The following SHISA9 variants were observed in gnomAD, a reference collection of about 807,000 sequenced individuals.
SHISA9 encodes the protein protein shisa-9.
In SHISA9, 13 loss-of-function variants were observed where a neutral mutation model predicts 38.0. The ratio of observed to expected loss-of-function variants is 0.34; its 90% CI spans 0.22 to 0.54. SHISA9 has a LOEUF of 0.54. Among genes scored for constraint, SHISA9 ranks in the 20% least tolerant of loss-of-function variants. The pLI, the probability that SHISA9 is intolerant of heterozygous loss-of-function variation, is 0.91. For missense variants in SHISA9, 538 were observed against 575.8 expected (o/e 0.93, Z 0.67); for synonymous variants, 275 against 242.0 (o/e 1.14, Z -1.27).
At chr16:13,191,524 T>C (rs1395636066) in intron 2 of SHISA9, among the ~76,000 whole-genome samples, 3 of 152,256 alleles carry the variant, frequency 2.0e-5, no homozygotes, top group Non-Finnish European at 4.4e-5. Flanking sequence ...ATAATGTATT[T>C]GAACCTCACA....
intron 2 of SHISA9, among the ~76,000 whole-genome samples, chr16:13,115,373 T>C (rs2074021895): frequency 6.6e-6 from 1 of 152,214 alleles, no homozygotes; most frequent in South Asian, 2.1e-4. Context: ...TTATCATTGT[T>C]TCTATAGATG....
intron 2 of SHISA9, among the ~76,000 whole-genome samples, chr16:12,938,488 C>G (rs1419355445): frequency 6.6e-6 from 1 of 151,686 alleles, no homozygotes; most frequent in African/African-American, 2.4e-5. Flanking sequence ...GGGGCTAATT[C>G]TCTCTCTCTC....
At chr16:13,147,751 A>C (rs1302511986) in intron 2 of SHISA9, among the ~76,000 whole-genome samples, 2 of 152,136 alleles carry the variant, frequency 1.3e-5, no homozygotes. Context: ...GTAAGCCACC[A>C]CGCCCAGCCT....
At chr16:13,248,307 G>A in the SHISA9 span, among the ~76,000 whole-genome samples, 26 of 152,282 alleles carry the variant, frequency 1.7e-4, no homozygotes, top group Non-Finnish European at 2.8e-4. Flanking sequence ...CGATGTGCCA[G>A]CCATGGTGCC....
intron 2 of SHISA9, among the ~76,000 whole-genome samples, chr16:13,119,099 C>T (rs2074060308): frequency 6.6e-6 from 1 of 152,008 alleles, no homozygotes; most frequent in Admixed American, 6.6e-5. Flanking sequence ...AACTTCTGAC[C>T]TCAGGTGATC....
chr16:13,514,033 C>T, the SHISA9 span, among the ~76,000 whole-genome samples: 4 of 152,214 alleles, frequency 2.6e-5, no homozygotes, highest in African/African-American at 9.6e-5. Flanking sequence ...CATGCTCTGT[C>T]ACGCAGGCTG....
the SHISA9 span, among the ~76,000 whole-genome samples, chr16:13,328,621 CACACACACACACACAT>C: frequency 0.087 from 12,857 of 148,462 alleles, 629 homozygotes; most frequent in South Asian, 0.21. Flanking sequence ...CACACACACA[CACACACACACACACAT>C]ATATATTGTA....
chr16:13,206,887 T>C (rs1478774306), intron 3 of SHISA9, among the ~76,000 whole-genome samples: 1 of 152,262 alleles, frequency 6.6e-6, no homozygotes, highest in Non-Finnish European at 1.5e-5. Context: ...GGATGAGGGC[T>C]GTTACCTAGG....
At chr16:13,264,651 G>C in the SHISA9 span, among the ~76,000 whole-genome samples, 1 of 152,078 alleles carries the variant, frequency 6.6e-6, no homozygotes, top group Non-Finnish European at 1.5e-5. Context: ...CTAGTCTTGA[G>C]TTGATTTTTA....
intron 2 of SHISA9, among the ~76,000 whole-genome samples, chr16:12,941,578 A>T (rs923760238): frequency 1.3e-5 from 2 of 152,134 alleles, no homozygotes; most frequent in Non-Finnish European, 2.9e-5. Context: ...AAAACTGTAC[A>T]ATTAAATTAT....
chr16:13,011,116 C>T (rs1200524020), intron 2 of SHISA9, among the ~76,000 whole-genome samples: 4 of 152,142 alleles, frequency 2.6e-5, no homozygotes, highest in Non-Finnish European at 4.4e-5. Context: ...ATGGAGTTTA[C>T]GTTCTTGCTC....
intron 2 of SHISA9, among the ~76,000 whole-genome samples, chr16:13,141,145 G>A (rs2050398347): frequency 6.6e-6 from 1 of 152,102 alleles, no homozygotes; most frequent in Non-Finnish European, 1.5e-5. Flanking sequence ...CATTGACTTT[G>A]CATATGGAAT....
At chr16:13,078,896 A>C (rs2073615046) in intron 2 of SHISA9, among the ~76,000 whole-genome samples, 1 of 152,228 alleles carries the variant, frequency 6.6e-6, no homozygotes, top group Non-Finnish European at 1.5e-5. Context: ...AAAGTACTTT[A>C]AAAATTAACC....
At chr16:13,114,235 G>A (rs1167431747) in intron 2 of SHISA9, among the ~76,000 whole-genome samples, 1 of 152,056 alleles carries the variant, frequency 6.6e-6, no homozygotes, top group African/African-American at 2.4e-5. Flanking sequence ...GGGAGGCTGA[G>A]GCGGGCAGAT....
At chr16:13,548,118 G>A in the SHISA9 span, among the ~76,000 whole-genome samples, 7 of 152,128 alleles carry the variant, frequency 4.6e-5, no homozygotes, top group Non-Finnish European at 8.8e-5. Context: ...ATATGGGAAA[G>A]GACAGTCTCT....
At chr16:13,227,481 G>T (rs1898685) in intron 4 of SHISA9, among the ~76,000 whole-genome samples, 1 of 152,148 alleles carries the variant, frequency 6.6e-6, no homozygotes, top group Non-Finnish European at 1.5e-5. Flanking sequence ...GTGGTCCCAC[G>T]TGAGATGTAA....
intron 2 of SHISA9, among the ~76,000 whole-genome samples, chr16:13,057,258 C>T (rs1320129534): frequency 2.0e-5 from 3 of 152,184 alleles, no homozygotes; most frequent in Admixed American, 6.5e-5. Context: ...TTTCACAAGA[C>T]AGCCCTGGAT....
chr16:13,518,065 C>G, the SHISA9 span, among the ~76,000 whole-genome samples: 2 of 152,152 alleles, frequency 1.3e-5, no homozygotes, highest in Non-Finnish European at 2.9e-5. Flanking sequence ...CTCTCCCAGC[C>G]CAGTCAGGAC....
the SHISA9 span, among the ~76,000 whole-genome samples, chr16:13,301,781 A>G: frequency 1.3e-5 from 2 of 152,192 alleles, no homozygotes; most frequent in African/African-American, 2.4e-5. Flanking sequence ...AGCAAGGAGC[A>G]TGGGCTTTGG....
Sources: allele counts gnomAD v4.1 joint callset (sites outside exome capture counted in the v4.1 genomes callset), GRCh38; gene constraint gnomAD v4.1.1; transcripts MANE v1.5; gene names NCBI Gene and HGNC (gene_info 2026-07-23, HGNC 2026-07-21).